The following TESC variants were observed in gnomAD, a reference collection of about 807,000 sequenced individuals.
TESC encodes the protein tescalcin.
TESC carries 19 observed loss-of-function variants against 31.0 expected under a neutral mutation model. The ratio of observed to expected loss-of-function variants is 0.61; its 90% confidence interval spans 0.43 to 0.90. The LOEUF (loss-of-function observed/expected upper bound fraction) is 0.90. TESC is among the 40% of genes least tolerant of loss of function. The pLI is 0.00. For missense variants in TESC, 248 were observed against 303.8 expected, an observed-to-expected ratio of 0.82 and a Z score of 1.36; for synonymous variants, 109 against 114.8, an observed-to-expected ratio of 0.95 and a Z score of 0.32.
intron 6 of TESC, among the ~76,000 whole-genome samples, chr12:117,043,765 A>G (rs1489978708): frequency 6.6e-6 from 1 of 152,082 alleles, no homozygotes; most frequent in Non-Finnish European, 1.5e-5. Flanking sequence ...TGCTATTGTT[A>G]GCATTTAATG....
intron 7 of TESC, among the ~76,000 whole-genome samples, chr12:117,040,555 T>TA (rs1477655495): frequency 7.0e-6 from 1 of 143,488 alleles, no homozygotes; most frequent in African/African-American, 2.5e-5. Context: ...CTCCACCTTC[T>TA]AGCTCTTCAT....
At chr12:117,050,146 A>G (rs1048877437) in intron 3 of TESC, among the ~76,000 whole-genome samples, 19 of 152,152 alleles carry the variant, frequency 1.2e-4, no homozygotes, top group African/African-American at 4.1e-4. Flanking sequence ...TGCCAAAAAA[A>G]AAAAAGTCGA....
intron 1 of TESC, among the ~76,000 whole-genome samples, chr12:117,075,741 T>C (rs1334966539): frequency 6.7e-6 from 1 of 150,156 alleles, no homozygotes; most frequent in African/African-American, 2.5e-5. Context: ...CTCAGCTCAC[T>C]GCAGCCTCCA....
chr12:117,095,979 G>A (rs920692159), intron 1 of TESC, among the ~76,000 whole-genome samples: 1 of 148,034 alleles, frequency 6.8e-6, no homozygotes, highest in African/African-American at 2.5e-5. Context: ...CTGCAGGCAA[G>A]CTGGTTTACC....
intron 1 of TESC, chr12:117,098,361 T>C: frequency 6.5e-6 from 1 of 152,978 alleles, no homozygotes; most frequent in Non-Finnish European, 1.5e-5. Flanking sequence ...ACAGCCGGTC[T>C]GTCGCTCGCC....
At chr12:117,042,096 T>C (rs1234867722) in intron 6 of TESC, 102 bp from the exon 7 acceptor site, 13 of 1,179,176 alleles carry the variant, frequency 1.1e-5, no homozygotes, top group Admixed American at 2.3e-5. Flanking sequence ...AATACCCAAA[T>C]GTAAGTTGTT....
intron 2 of TESC, among the ~76,000 whole-genome samples, chr12:117,072,529 C>A (rs1346636163): frequency 2.0e-5 from 3 of 152,358 alleles, no homozygotes; most frequent in African/African-American, 4.8e-5. Flanking sequence ...GACTCCGAAG[C>A]CTGGGTTTTT....
intron 1 of TESC, among the ~76,000 whole-genome samples, chr12:117,093,154 C>A (rs888534294): frequency 6.6e-5 from 10 of 152,200 alleles, no homozygotes; most frequent in Admixed American, 5.2e-4. Context: ...TTGGGGTGCT[C>A]CCCTGTCCCC....
At chr12:117,068,793 T>A (rs1954921950) in intron 2 of TESC, among the ~76,000 whole-genome samples, 1 of 152,212 alleles carries the variant, frequency 6.6e-6, no homozygotes, top group African/African-American at 2.4e-5. Context: ...TGCCTCCTAA[T>A]GGCCTGCACC....
At chr12:117,039,231 T>A (rs1484177636) in intron 7 of TESC, 21 bp from the exon 8 acceptor site, 1 of 1,608,690 alleles carries the variant, frequency 6.2e-7, no homozygotes, top group African/African-American at 1.3e-5. Flanking sequence ...CGGAGCAGCG[T>A]TAAGGGCACG....
chr12:117,058,052 T>C (rs1954751924), intron 2 of TESC, among the ~76,000 whole-genome samples: 1 of 152,074 alleles, frequency 6.6e-6, no homozygotes, highest in Non-Finnish European at 1.5e-5. Flanking sequence ...AAACCCCATC[T>C]CTACTAAAAA....
At chr12:117,062,831 C>T (rs1044507850) in intron 2 of TESC, among the ~76,000 whole-genome samples, 1 of 152,216 alleles carries the variant, frequency 6.6e-6, no homozygotes, top group Non-Finnish European at 1.5e-5. Context: ...TGTCGCAGCC[C>T]AGGCTGCAGC....
At chr12:117,076,212 CTCAGAG>C (rs1955072889) in intron 1 of TESC, among the ~76,000 whole-genome samples, 1 of 151,318 alleles carries the variant, frequency 6.6e-6, no homozygotes, top group Non-Finnish European at 1.5e-5. Context: ...TAGTCACAGA[CTCAGAG>C]TCAGATGAGT....
In TESC at chr12:117,083,671, C is replaced by T. The variant is rs117218799; in HGVS notation, c.59-8331G>A. Among the ~76,000 whole-genome samples the T allele has an allele frequency of 6.0e-4, 92 of 152,328 alleles. 3 individuals carry two copies. In the East Asian group the frequency reaches 9.6e-3, roughly 16 times the overall value. ...CACACGGTGTATGATCCCATTTACA[C>T]GAAGTGCCCTGAACAGGCAAATCTA... On this transcript the variant is annotated intron_variant, in intron 1 of 7. Transcript: ENST00000335209.
At chr12:117,071,522 G>A (rs1236230934) in intron 2 of TESC, among the ~76,000 whole-genome samples, 2 of 152,224 alleles carry the variant, frequency 1.3e-5, no homozygotes, top group African/African-American at 4.8e-5. Context: ...CTACACACCT[G>A]TGTGAGTCCC....
chr12:117,075,009 G>A (rs1246310235), intron 2 of TESC, among the ~76,000 whole-genome samples: 1 of 152,192 alleles, frequency 6.6e-6, no homozygotes, highest in Non-Finnish European at 1.5e-5. Context: ...AGCCGAGCAT[G>A]GTGGAGGGCA....
intron 7 of TESC, among the ~76,000 whole-genome samples, chr12:117,040,344 T>A (rs1177363903): frequency 6.6e-6 from 1 of 152,112 alleles, no homozygotes; most frequent in Non-Finnish European, 1.5e-5. Context: ...ACATGGTCGC[T>A]GAGGGCATTG....
intron 1 of TESC, among the ~76,000 whole-genome samples, chr12:117,090,806 G>C (rs961727691): frequency 3.9e-5 from 6 of 152,210 alleles, no homozygotes; most frequent in African/African-American, 1.4e-4. Flanking sequence ...TATTTGCTCA[G>C]GGTTCTCTGA....
chr12:117,091,905 C>T (rs1033663530), intron 1 of TESC, among the ~76,000 whole-genome samples: 10 of 152,208 alleles, frequency 6.6e-5, no homozygotes, highest in Non-Finnish European at 1.5e-4. Context: ...GATGTGCCGA[C>T]TCTCAGAGTC....
Sources: allele counts gnomAD v4.1 joint callset (sites outside exome capture counted in the v4.1 genomes callset), GRCh38; gene constraint gnomAD v4.1.1; transcripts MANE v1.5; gene names NCBI Gene and HGNC (gene_info 2026-07-23, HGNC 2026-07-21).